Variants in SLC22A15 observed in about 807,000 individuals in gnomAD.
SLC22A15 encodes the protein flipt 1.
A neutral mutation model predicts 62.7 loss-of-function variants in SLC22A15; 45 were observed. The observed-to-expected ratio is 0.72, with a 90% CI of 0.56 to 0.92. The LOEUF is 0.92. SLC22A15 is among the 40% of genes least tolerant of loss of function. SLC22A15 has a pLI of 0.00. For synonymous variants in SLC22A15, 264 were observed against 267.0 expected, an observed-to-expected ratio of 0.99 and a Z score of 0.11; for missense variants, 622 against 665.6, an observed-to-expected ratio of 0.93 and a Z score of 0.72.
intron 5 of SLC22A15, among the ~76,000 whole-genome samples, chr1:116,028,259 T>C (rs930593285): frequency 1.3e-5 from 2 of 152,108 alleles, no homozygotes; most frequent in African/African-American, 4.8e-5. Flanking sequence ...TTTTTAGTTA[T>C]ATGAATTTGA....
intron 1 of SLC22A15, among the ~76,000 whole-genome samples, chr1:115,985,101 A>T (rs1484817311): frequency 1.3e-5 from 2 of 152,146 alleles, no homozygotes; most frequent in African/African-American, 4.8e-5. Context: ...CTTCACATCC[A>T]TTCACTCCTC....
intron 8 of SLC22A15, among the ~76,000 whole-genome samples, chr1:116,058,551 C>T (rs766079507): frequency 1.3e-5 from 2 of 152,098 alleles, no homozygotes; most frequent in Non-Finnish European, 2.9e-5. Flanking sequence ...TATGGAAAAC[C>T]GTGTGAAGAT....
At position 115,992,233 on chromosome 1, in the gene SLC22A15, T is replaced by C; in HGVS notation, c.290T>C (p.Ile97Thr). ...CATTTCAGCAGCAGCTTCACCTCCA[T>C]CGCCTCGGAGGTAACAACAGGCTGT... ...HVHFSSSFTS[I>T]ASEWFLIANR... The change falls in exon 2 of 12, where the codon ATC becomes ACC. Residue 97 changes from isoleucine to threonine, a missense_variant. Physicochemically the swap from Ile to Thr is moderately conservative, Grantham distance 89. Coordinates refer to ENST00000369503, the MANE Select transcript of SLC22A15 (RefSeq NM_018420.3). 1 of 1,580,608 alleles carries C rather than the reference T, an allele frequency of 6.3e-7. No homozygotes were observed.
chr1:116,065,931 A>G lies in SLC22A15; in HGVS notation c.1366-589A>G, dbSNP rs549626322. 2.0e-5 allele frequency among the ~76,000 whole-genome samples: 3 copies of G among 152,300 alleles called. No individual in the cohort carries two copies. In the East Asian group the frequency reaches 5.8e-4, roughly 29 times the overall value. ...TGAGAATATGTTTTGGATCTCTGAA[A>G]CAATTGCTTGTATCACCAGCCCTTA... On this transcript the variant is annotated intron_variant, in intron 10 of 11. Coordinates refer to ENST00000369503, the MANE Select transcript of SLC22A15 (RefSeq NM_018420.3).
intron 4 of SLC22A15, among the ~76,000 whole-genome samples, chr1:116,022,076 C>T (rs1011421055): frequency 2.6e-5 from 4 of 152,120 alleles, no homozygotes; most frequent in Non-Finnish European, 2.9e-5. Flanking sequence ...AAACAGCTGT[C>T]GAGTGGAAGG....
At chr1:116,010,710 G>C (rs954033715) in intron 2 of SLC22A15, among the ~76,000 whole-genome samples, 3 of 152,176 alleles carry the variant, frequency 2.0e-5, no homozygotes, top group Non-Finnish European at 4.4e-5. Flanking sequence ...GAGCCATTCA[G>C]AATTTTTCAC....
At chr1:116,009,130 C>G (rs146966404) in intron 2 of SLC22A15, among the ~76,000 whole-genome samples, 1 of 152,096 alleles carries the variant, frequency 6.6e-6, no homozygotes, top group South Asian at 2.1e-4. Flanking sequence ...CTCAGAGCCC[C>G]GCAACCACCT....
At position 115,976,637 on chromosome 1, in the gene SLC22A15, G is replaced by A; in HGVS notation, c.10G>A (p.Glu4Lys). The A allele has an allele frequency of 6.3e-7, 1 of 1,583,066 alleles. No homozygotes were observed. The highest frequency in any genetic ancestry group is 8.6e-7 in the Non-Finnish European group (1 of 1,167,546). ...CTGCGCGCGGCCCGCCATGGAGGTGGAGGAGGCGTTCCAGGCGGTGGGGGA... is the reference window on the plus strand; with the variant it reads ...CTGCGCGCGGCCCGCCATGGAGGTGAAGGAGGCGTTCCAGGCGGTGGGGGA... MEV[E>K]EAFQAVGEMG... Residue 4 changes from glutamate (E) to lysine (K), a missense_variant, in exon 1 of 12, where the codon GAG becomes AAG. Coordinates refer to ENST00000369503, the MANE Select transcript of SLC22A15 (RefSeq NM_018420.3).
At position 116,052,415 on chromosome 1, in the gene SLC22A15, C is replaced by T. The variant is rs573098816; in HGVS notation, c.1172-10347C>T. On this transcript the variant is annotated intron_variant, in intron 8 of 11. Coordinates refer to ENST00000369503, the MANE Select transcript of SLC22A15 (RefSeq NM_018420.3). ...CCGGGAAGCTCGAACTGGGTGGAGC[C>T]CACCACAGCTCAAGGAGGCCTGCCT... Among the ~76,000 whole-genome samples, 3 of 152,328 alleles carry T rather than the reference C, an allele frequency of 2.0e-5. No individual in the cohort carries two copies. The South Asian group carries it at 6.2e-4, about 32-fold the overall frequency.
chr1:116,019,765 G>T (rs921176899), intron 3 of SLC22A15, 51 bp downstream of exon 3: 21 of 1,553,620 alleles, frequency 1.4e-5, no homozygotes, highest in Non-Finnish European at 1.8e-5. Context: ...ATTTCTCTAA[G>T]ATTCTTAGGG....
At chr1:116,022,379 T>A (rs1472690468) in intron 4 of SLC22A15, among the ~76,000 whole-genome samples, 2 of 146,284 alleles carry the variant, frequency 1.4e-5, no homozygotes, top group Non-Finnish European at 3.1e-5. Context: ...GCTCCCTGTA[T>A]CCAGGGAAGG....
At chr1:116,041,445 A>G (rs1174641407) in intron 8 of SLC22A15, among the ~76,000 whole-genome samples, 1 of 152,252 alleles carries the variant, frequency 6.6e-6, no homozygotes, top group East Asian at 1.9e-4. Context: ...GCTTTAAACA[A>G]CAATAGAACC....
Position 116,027,253 on chromosome 1 carries a change from A to G in SLC22A15, c.728+231A>G, listed in dbSNP as rs144848959. On this transcript the variant is annotated intron_variant, in intron 5 of 11. Transcript: ENST00000369503. ...TTAAAGTAACCTCTCAATACACTGCATTGTAACCTTCACATTGTTGGCATA... is the reference window on the plus strand; with the variant it reads ...TTAAAGTAACCTCTCAATACACTGCGTTGTAACCTTCACATTGTTGGCATA... 1.0e-4 allele frequency: 64 copies of G among 635,056 alleles called. 1 individual carries two copies. In the East Asian group the frequency reaches 2.1e-3, roughly 21 times the overall value. 39.3% of individuals were successfully genotyped at this position (635,056 alleles called of 1,614,324 possible).
At chr1:116,065,743 G>A (rs1234688540) in intron 10 of SLC22A15, among the ~76,000 whole-genome samples, 1 of 151,996 alleles carries the variant, frequency 6.6e-6, no homozygotes, top group Non-Finnish European at 1.5e-5. Flanking sequence ...AATTAGTAGT[G>A]GACCTACCCA....
chr1:115,985,337 T>A (rs1324442303), intron 1 of SLC22A15, among the ~76,000 whole-genome samples: 1 of 152,210 alleles, frequency 6.6e-6, no homozygotes, highest in African/African-American at 2.4e-5. Flanking sequence ...CCATATAGCC[T>A]AGGTGTATGG....
intron 6 of SLC22A15, chr1:116,032,351 A>T (rs1657444862): frequency 1.0e-6 from 1 of 985,278 alleles, no homozygotes; most frequent in African/African-American, 1.7e-5. Flanking sequence ...CATACTGCTA[A>T]TGTGCCATAA....
chr1:116,052,874 CAGAA>C, intron 8 of SLC22A15, among the ~76,000 whole-genome samples: 1 of 152,192 alleles, frequency 6.6e-6, no homozygotes, highest in African/African-American at 2.4e-5. Flanking sequence ...AACTAACAAA[CAGAA>C]AGGACATCCA....
At chr1:116,027,119 C>A in intron 5 of SLC22A15, 97 bp downstream of exon 5, 2 of 1,178,074 alleles carry the variant, frequency 1.7e-6, no homozygotes, top group Non-Finnish European at 2.4e-6. Flanking sequence ...CTTTCAGGAG[C>A]TTGCCTGCAC....
rs1316256143 is a variant in SLC22A15 at position 116,037,368 on chromosome 1, T to C, written c.1151T>C (p.Met384Thr). 1 of 1,613,128 alleles carries C rather than the reference T, an allele frequency of 6.2e-7. No individual in the cohort carries two copies. The highest frequency in any genetic ancestry group is 1.3e-5 in the African/African-American group (1 of 74,880). Residue 384 changes from methionine to threonine, a missense_variant, in exon 8 of 12, where the codon ATG becomes ACG. Transcript: ENST00000369503. The stretch of plus-strand genomic sequence containing the variant: ...GGAGGACTGGCTTGTCTTATTGTAA[T>C]GTTTCTTCCAGAAAAGAAAGGTATG... ...CLGGLACLIVMFLPEKKDTGV... is the reference protein window; with the variant it reads ...CLGGLACLIVTFLPEKKDTGV...
Sources: gnomAD v4.1 joint callset for allele counts (sites outside exome capture counted in the v4.1 genomes callset) on GRCh38, gnomAD v4.1.1 for gene constraint, MANE v1.5 for transcripts, NCBI Gene and HGNC (gene_info 2026-07-23, HGNC 2026-07-21) for gene names.